CARMIL2: variants seen among roughly 807,000 people sequenced by gnomAD.
CARMIL2 encodes the protein capping protein regulator and myosin 1 linker 2.
In CARMIL2, 96 loss-of-function variants were observed where a neutral mutation model predicts 173.3. That is an observed-to-expected ratio of 0.55 (90% CI 0.47 to 0.66). CARMIL2 has a LOEUF of 0.66. CARMIL2 is among the 30% of genes least tolerant of loss of function. The probability of loss-of-function intolerance (pLI) is 0.00; values close to 1 mark genes in which losing one functional copy is unlikely to be tolerated. For missense variants in CARMIL2, 1,771 were observed against 1,906.7 expected (o/e 0.93, Z 1.33); for synonymous variants, 830 against 817.1 (o/e 1.02, Z -0.27).
rs114594028 is a variant in CARMIL2 at position 67,654,166 on chromosome 16, G to A, written c.3138G>A (p.Pro1046=). Residue 1046 remains proline, a synonymous_variant, in exon 30 of 38, where the codon CCG becomes CCA. Coordinates refer to ENST00000334583, the MANE Select transcript of CARMIL2 (RefSeq NM_001013838.3). ...CCCCCCAGGTACCCCCAGCCTTGCC[G>A]CAGGAAGGGAATGGGCTCAGTGCCC... ...PGGPQVPPAL[P]QEGNGLSARV... 0.01 allele frequency: 15,527 copies of A among 1,549,388 alleles called. 213 individuals carry two copies. The highest frequency in any genetic ancestry group is 0.042 in the South Asian group (3,516 of 84,354).
In CARMIL2 at chr16:67,649,247, C is replaced by T. The variant is rs761837872; in HGVS notation, c.1689-7C>T. 6.2e-7 allele frequency: 1 copy of T among 1,613,368 alleles called. No individual in the cohort carries two copies. Among genetic ancestry groups the T allele is most frequent in the South Asian group, 1.1e-5 (1 of 91,058 alleles). On this transcript the variant is annotated splice_region_variant and splice_polypyrimidine_tract_variant and intron_variant, in intron 18 of 37. Transcript: ENST00000334583. This position sits in a 1 kb window ranked among gnomAD's most constrained non-coding sequence, Gnocchi z 6.7. ...CTGTCCCCCACAACTGCGGCCCCTGCCCACAGGGAGACCCTGGACGACGTC... is the reference window on the plus strand; with the variant it reads ...CTGTCCCCCACAACTGCGGCCCCTGTCCACAGGGAGACCCTGGACGACGTC...
chr16:67,646,279 A>G lies in CARMIL2; in HGVS notation c.343A>G (p.Ile115Val). The G allele has an allele frequency of 1.9e-6, 3 of 1,613,660 alleles. No homozygotes were observed. The highest frequency in any genetic ancestry group is 1.6e-4 in the Middle Eastern group (1 of 6,062). ...EQLAQHVAAAIKKVFPRSTLG... is the reference protein window; with the variant it reads ...EQLAQHVAAAVKKVFPRSTLG... ...GCTGGCCCAGCACGTGGCTGCAGCC[A>G]TCAAGAAGGTCTTCCCTCGCTCGAC... is the stretch of plus-strand genomic sequence containing the variant. Residue 115 changes from isoleucine to valine, a missense_variant, in exon 5 of 38, where the codon ATC (isoleucine) becomes GTC (valine). Physicochemically the swap from Ile to Val is conservative, Grantham distance 29 (BLOSUM62 3). Around this residue, in one of 3 missense-constraint regions of CARMIL2, gnomAD observed 944 missense variants for 975.6 expected, o/e 0.97. Transcript: ENST00000334583. The surrounding 1 kb of genome is among the most constrained non-coding windows in gnomAD (Gnocchi z 4.6).
In CARMIL2 at chr16:67,651,572, T is replaced by C. The variant is rs955109585; in HGVS notation, c.2427+58T>C. On this transcript the variant is annotated intron_variant, in intron 24 of 37. Coordinates refer to ENST00000334583, the MANE Select transcript of CARMIL2 (RefSeq NM_001013838.3). The surrounding 1 kb of genome is among the most constrained non-coding windows in gnomAD (Gnocchi z 4.2). The stretch of plus-strand genomic sequence containing the variant: ...CGTTTGCAGGTTTGACTCCCATCCT[T>C]TAGTTTTAACTGTGATATCCCCTGA... The C allele has an allele frequency of 1.9e-6, 3 of 1,563,092 alleles. No homozygotes were observed. Among genetic ancestry groups the C allele is most frequent in the Admixed American group, 1.9e-5 (1 of 52,184 alleles).
rs371810811 is a variant in CARMIL2 at position 67,652,520 on chromosome 16, C to G, written c.2866C>G (p.Leu956Val). 2 of 1,613,590 alleles carry G rather than the reference C, an allele frequency of 1.2e-6. No individual in the cohort carries two copies. The highest frequency in any genetic ancestry group is 1.7e-6 in the Non-Finnish European group (2 of 1,179,790). ...GCCTGAGCTCAGCCACGGTCTTCAC[C>G]TGGTCCCCTTCATTCACAGTAAGTC... ...KWPELSHGLH[L>V]VPFIHSAAEE... is the part of the protein sequence containing the mutation. Residue 956 changes from leucine to valine, a missense_variant, in exon 28 of 38, where the codon CTG becomes GTG. Leu to Val is a conservative substitution (Grantham distance 32, BLOSUM62 1). Around this residue, in one of 3 missense-constraint regions of CARMIL2, gnomAD observed 817 missense variants for 903.5 expected, o/e 0.90. Transcript: ENST00000334583. The surrounding 1 kb of genome is among the most constrained non-coding windows in gnomAD (Gnocchi z 4.7).
Position 67,652,203 on chromosome 16 carries a change from A to G in CARMIL2, c.2681A>G (p.Glu894Gly). The change falls in exon 27 of 38, where the codon GAG (glutamate) becomes GGG (glycine). Residue 894 changes from glutamate (E) to glycine (G), a missense_variant. Glu to Gly is a moderately conservative substitution (Grantham distance 98). Transcript: ENST00000334583. The surrounding 1 kb of genome is among the most constrained non-coding windows in gnomAD (Gnocchi z 4.7). ...TTTGGCTGCTTGGTATTGCAGGTGG[A>G]GAGTCTGGCTCAGCAGGCAACAGTG... ...GLSAARDQLV[E>G]SLAQQATVTM... The G allele has an allele frequency of 6.2e-7, 1 of 1,612,190 alleles. No homozygotes were observed. Among genetic ancestry groups the G allele is most frequent in the South Asian group, 1.1e-5 (1 of 91,074 alleles).
In CARMIL2 at chr16:67,651,628, G is replaced by C. The variant is rs2052724611; in HGVS notation, c.2428-57G>C. 6 of 1,583,058 alleles carry C rather than the reference G, an allele frequency of 3.8e-6. No homozygotes were observed. The highest frequency in any genetic ancestry group is 5.1e-6 in the Non-Finnish European group (6 of 1,165,288). ...TATTCTGTTGGAGTTGGAGCCTCAA[G>C]CCAGCAGCCTGGTGTCTGGCCACAT... is the stretch of plus-strand genomic sequence containing the variant. On this transcript the variant is annotated intron_variant, in intron 24 of 37. Coordinates refer to ENST00000334583, the MANE Select transcript of CARMIL2 (RefSeq NM_001013838.3). The surrounding 1 kb of genome is among the most constrained non-coding windows in gnomAD (Gnocchi z 4.2).
chr16:67,648,624 C>G lies in CARMIL2; in HGVS notation c.1440-61C>G. The G allele has an allele frequency of 6.5e-7, 1 of 1,531,514 alleles. No individual in the cohort carries two copies. The highest frequency in any genetic ancestry group is 8.9e-7 in the Non-Finnish European group (1 of 1,126,092). The allele number at this position is 1,531,514 out of a possible 1,614,324, so 94.9% of individuals were successfully genotyped here. A position where few individuals can be genotyped will look rare whatever the true frequency, so the allele number is the denominator to read the frequency against. The stretch of plus-strand genomic sequence containing the variant: ...CCCCAGATCCTGGCCCTGCCTCCTT[C>G]GTTCGCACCCTGGAGCCCCCTGTCC... On this transcript the variant is annotated intron_variant, in intron 15 of 37. Transcript: ENST00000334583. The surrounding 1 kb of genome is among the most constrained non-coding windows in gnomAD (Gnocchi z 6.1).
intron 32 of CARMIL2, 117 bp downstream of exon 32, chr16:67,655,017 A>C (rs2052814668): frequency 7.4e-6 from 10 of 1,348,778 alleles, no homozygotes; most frequent in Non-Finnish European, 1.0e-5. Flanking sequence ...GTTCTACTCC[A>C]TTCTCCTCGA....
rs369035322 is a variant in CARMIL2 at position 67,656,250 on chromosome 16, G to A, written c.3765G>A (p.Thr1255=). 58 of 1,613,868 alleles carry A rather than the reference G, an allele frequency of 3.6e-5. No individual in the cohort carries two copies. The East Asian group carries it at 4.5e-4, about 12-fold the overall frequency. The change falls in exon 34 of 38, where the codon ACG becomes ACA. Residue 1255 remains threonine, a synonymous_variant. Coordinates refer to ENST00000334583, the MANE Select transcript of CARMIL2 (RefSeq NM_001013838.3). The stretch of plus-strand genomic sequence containing the variant: ...CAGGTGACATTATGGACAGTTCCAC[G>A]GAGGCCCCTCCCATCTCGATCAAGT... ...GSDGDIMDSS[T]EAPPISIKSR... is the part of the protein sequence containing the mutation.
Position 67,646,586 on chromosome 16 carries a change from G to GT in CARMIL2, c.466+69_466+70insT, listed in dbSNP as rs2142911387. Reference sequence around the variant, plus strand: ...CTCTGCCTCCCCAGACCCGCAAGCTGGGGGGGCCCCAAACTGAACAGAGCC... The same window carrying GT: ...CTCTGCCTCCCCAGACCCGCAAGCTGTGGGGGGCCCCAAACTGAACAGAGCC... On this transcript the variant is annotated intron_variant, in intron 6 of 37. Coordinates refer to ENST00000334583, the MANE Select transcript of CARMIL2 (RefSeq NM_001013838.3). The surrounding 1 kb of genome is among the most constrained non-coding windows in gnomAD (Gnocchi z 4.6). 1.1e-5 allele frequency: 18 copies of GT among 1,567,046 alleles called. No individual in the cohort carries two copies. In the South Asian group the frequency reaches 1.6e-4, roughly 14 times the overall value.
Position 67,652,636 on chromosome 16 carries a change from C to G in CARMIL2, c.2884+98C>G. 1 of 1,202,016 alleles carries G rather than the reference C, an allele frequency of 8.3e-7. No individual in the cohort carries two copies. The highest frequency in any genetic ancestry group is 2.5e-5 in the East Asian group (1 of 40,278). The allele number at this position is 1,202,016 out of a possible 1,614,324, so 74.5% of individuals were successfully genotyped here. A position where few individuals can be genotyped will look rare whatever the true frequency, so the allele number is the denominator to read the frequency against. ...CCTGGATGAACTCATTCAGCCTTGTCTGGGTACCCACCAGCCCTTGACTGG... is the reference window on the plus strand; with the variant it reads ...CCTGGATGAACTCATTCAGCCTTGTGTGGGTACCCACCAGCCCTTGACTGG... On this transcript the variant is annotated intron_variant, in intron 28 of 37. Coordinates refer to ENST00000334583, the MANE Select transcript of CARMIL2 (RefSeq NM_001013838.3). The surrounding 1 kb of genome is among the most constrained non-coding windows in gnomAD (Gnocchi z 4.7).
Position 67,646,992 on chromosome 16 carries a change from T to C in CARMIL2, c.611+19T>C. 1 of 1,612,190 alleles carries C rather than the reference T, an allele frequency of 6.2e-7. No individual in the cohort carries two copies. The highest frequency in any genetic ancestry group is 1.3e-5 in the African/African-American group (1 of 75,054). On this transcript the variant is annotated intron_variant, in intron 8 of 37. Transcript: ENST00000334583. This position sits in a 1 kb window ranked among gnomAD's most constrained non-coding sequence, Gnocchi z 4.6. ...GCAGTCGGTGTGTGGCCTGCCAGGA[T>C]GGGAGAGGAGGAAGATCCCGGGGCC... is the stretch of plus-strand genomic sequence containing the variant.
chr16:67,651,466 GGA>G lies in CARMIL2; in HGVS notation c.2381_2382del (p.Glu794GlyfsTer67). ...SHHWQLGQKL[E>X]GLLRQVGEVC... Reference sequence around the variant, plus strand: ...ATCACTGGCAGCTTGGGCAGAAGCTGGAGGGCCTTCTGAGACAGGTGGGCGAG... The same window carrying G: ...ATCACTGGCAGCTTGGGCAGAAGCTGGGGCCTTCTGAGACAGGTGGGCGAG... On this transcript the variant is annotated frameshift_variant, in exon 24 of 38. Coordinates refer to ENST00000334583, the MANE Select transcript of CARMIL2 (RefSeq NM_001013838.3). LOFTEE classifies it high-confidence loss of function. This position sits in a 1 kb window ranked among gnomAD's most constrained non-coding sequence, Gnocchi z 4.2. 1 of 1,600,054 alleles carries G rather than the reference GGA, an allele frequency of 6.2e-7. No homozygotes were observed.
In CARMIL2 at chr16:67,647,267, C is replaced by T. The variant is rs59376497; in HGVS notation, c.688-32C>T. 100,628 of 1,609,854 alleles carry T rather than the reference C, an allele frequency of 0.063. 5,706 individuals carry two copies. Among genetic ancestry groups the T allele is most frequent in the African/African-American group, 0.29 (21,882 of 74,924 alleles). On this transcript the variant is annotated intron_variant, in intron 9 of 37. Coordinates refer to ENST00000334583, the MANE Select transcript of CARMIL2 (RefSeq NM_001013838.3). Reference sequence around the variant, plus strand: ...GTGCAGCCCGCTGAGGGCCAGGGTGCAGCCCGTGAGCCGCCGCCCTCTGCT... The same window carrying T: ...GTGCAGCCCGCTGAGGGCCAGGGTGTAGCCCGTGAGCCGCCGCCCTCTGCT...
At position 67,650,036 on chromosome 16, in the gene CARMIL2, C is replaced by T. The variant is rs774690734; in HGVS notation, c.2083-13C>T. ...TCCGTCCCTCGGCATTTCTCAATAC[C>T]CCTTGCCCCTAGATCCAAGCCTGTC... On this transcript the variant is annotated splice_polypyrimidine_tract_variant and intron_variant, in intron 21 of 37. Coordinates refer to ENST00000334583, the MANE Select transcript of CARMIL2 (RefSeq NM_001013838.3). 5.0e-6 allele frequency: 8 copies of T among 1,613,566 alleles called. No individual in the cohort carries two copies. In the Admixed American group the frequency reaches 1.2e-4, roughly 24 times the overall value.
Position 67,651,476 on chromosome 16 carries a change from C to T in CARMIL2, c.2389C>T (p.Leu797=). Residue 797 remains leucine (L), a synonymous_variant, in exon 24 of 38, where the codon CTG becomes TTG. Transcript: ENST00000334583. This position sits in a 1 kb window ranked among gnomAD's most constrained non-coding sequence, Gnocchi z 4.2. ...GCTTGGGCAGAAGCTGGAGGGCCTT[C>T]TGAGACAGGTGGGCGAGGTCTGCCG... The part of the protein sequence containing the change: ...WQLGQKLEGL[L]RQVGEVCRQD... 6.3e-7 allele frequency: 1 copy of T among 1,599,382 alleles called. No individual in the cohort carries two copies. The highest frequency in any genetic ancestry group is 8.5e-7 in the Non-Finnish European group (1 of 1,171,858).
At chr16:67,656,139 G>A (rs771368833) in intron 33 of CARMIL2, 72 bp downstream of exon 33, 7 of 1,606,384 alleles carry the variant, frequency 4.4e-6, no homozygotes, top group Non-Finnish European at 5.1e-6. Context: ...CAAGGCACTT[G>A]CTCTCCTTGG....
At position 67,652,696 on chromosome 16, in the gene CARMIL2, G is replaced by A. The variant is rs2052749573; in HGVS notation, c.2884+158G>A. Among the ~76,000 whole-genome samples, 4 of 152,166 alleles carry A rather than the reference G, an allele frequency of 2.6e-5. No homozygotes were observed. Among genetic ancestry groups the A allele is most frequent in the Admixed American group, 2.6e-4 (4 of 15,284 alleles). On this transcript the variant is annotated intron_variant, in intron 28 of 37. Coordinates refer to ENST00000334583, the MANE Select transcript of CARMIL2 (RefSeq NM_001013838.3). The surrounding 1 kb of genome is among the most constrained non-coding windows in gnomAD (Gnocchi z 4.7). ...GGCCCCTTGTGCAACCTGCAAAGCT[G>A]GGGTCTGCTGTGGTCAGCCCGGGGC... is the stretch of plus-strand genomic sequence containing the variant.
intron 10 of CARMIL2, 51 bp downstream of exon 10, chr16:67,647,438 T>G: frequency 6.4e-7 from 1 of 1,555,268 alleles, no homozygotes; most frequent in African/African-American, 1.4e-5. Context: ...GGCTTGGGAC[T>G]GGGGGCTAGT....
Sources: allele counts gnomAD v4.1 joint callset (sites outside exome capture counted in the v4.1 genomes callset), GRCh38; gene constraint gnomAD v4.1.1; regional missense constraint gnomAD v4.1.1; non-coding constraint Gnocchi (gnomAD v3.1); transcripts MANE v1.5; gene names NCBI Gene and HGNC (gene_info 2026-07-23, HGNC 2026-07-21).